The following FZD7 variants were observed in gnomAD, a reference collection of about 807,000 sequenced individuals.
The protein encoded by FZD7 is frizzled-7.
FZD7 carries 21 observed loss-of-function variants against 39.0 expected under a neutral mutation model. That is an observed-to-expected ratio of 0.54 (90% CI 0.38 to 0.78). The LOEUF (loss-of-function observed/expected upper bound fraction) is 0.78, where lower values mean the gene tolerates loss of function less well. FZD7 is among the 30% of genes least tolerant of loss of function. FZD7 has a pLI of 0.00. For missense variants in FZD7, 695 were observed against 805.0 expected (o/e 0.86, Z 1.65); for synonymous variants, 428 against 364.9 (o/e 1.17, Z -1.97).
chr2:202,036,753 G>A lies in FZD7; in HGVS notation c.*381G>A. 3.6e-6 allele frequency: 1 copy of A among 275,356 alleles called. No individual in the cohort carries two copies. The highest frequency in any genetic ancestry group is 9.6e-5 in the East Asian group (1 of 10,392). 17.1% of individuals were successfully genotyped at this position (275,356 alleles called of 1,614,324 possible). A position where few individuals can be genotyped will look rare whatever the true frequency, so the allele number is the denominator to read the frequency against. On this transcript the variant is annotated 3_prime_UTR_variant, in exon 1 of 1. Transcript: ENST00000286201. The stretch of plus-strand genomic sequence containing the variant: ...CGATCCCCCTGCTGCAGGGCGAGTG[G>A]CCTGTCCAGACCCCTGTGAGGCCCC...
rs760851152 is a variant in FZD7 at position 202,034,672 on chromosome 2, C to G, written c.25C>G (p.Pro9Ala). 6.3e-7 allele frequency: 1 copy of G among 1,587,560 alleles called. No individual in the cohort carries two copies. The highest frequency in any genetic ancestry group is 1.1e-5 in the South Asian group (1 of 88,152). The change falls in exon 1 of 1, where the codon CCG (proline) becomes GCG (alanine). Residue 9 changes from proline to alanine, a missense_variant. Physicochemically the swap from Pro to Ala is conservative, Grantham distance 27. Transcript: ENST00000286201. MRDPGAAA[P>A]LSSLGLCALV... ...GATGCGGGACCCCGGCGCGGCCGCTCCGCTTTCGTCCCTGGGCCTCTGTGC... is the reference window on the plus strand; with the variant it reads ...GATGCGGGACCCCGGCGCGGCCGCTGCGCTTTCGTCCCTGGGCCTCTGTGC...
At position 202,036,606 on chromosome 2, in the gene FZD7, A is replaced by G. The variant is rs995764163; in HGVS notation, c.*234A>G. 7.2e-6 allele frequency: 4 copies of G among 557,196 alleles called. No homozygotes were observed. The highest frequency in any genetic ancestry group is 5.7e-5 in the African/African-American group (3 of 53,068). 34.5% of individuals were successfully genotyped at this position (557,196 alleles called of 1,614,324 possible). A position where few individuals can be genotyped will look rare whatever the true frequency, so the allele number is the denominator to read the frequency against. On this transcript the variant is annotated 3_prime_UTR_variant, in exon 1 of 1. Coordinates refer to ENST00000286201, the MANE Select transcript of FZD7 (RefSeq NM_003507.2). ...ATTTCAGGCAAAGACTTGCAGGAAG[A>G]TGATGATAACGGCGATGTGAATCGT...
Position 202,035,688 on chromosome 2 carries a change from C to A in FZD7, c.1041C>A (p.Gly347=). 1.2e-6 allele frequency: 2 copies of A among 1,614,030 alleles called. No homozygotes were observed. Among genetic ancestry groups the A allele is most frequent in the South Asian group, 1.1e-5 (1 of 91,080 alleles). Residue 347 remains glycine, a synonymous_variant, in exon 1 of 1, where the codon GGC becomes GGA. Coordinates refer to ENST00000286201, the MANE Select transcript of FZD7 (RefSeq NM_003507.2). ...TCTTCATGGTGCTCTACTTCTTCGGCATGGCCAGCTCCATCTGGTGGGTCA... is the reference window on the plus strand; with the variant it reads ...TCTTCATGGTGCTCTACTTCTTCGGAATGGCCAGCTCCATCTGGTGGGTCA... ...TILFMVLYFF[G]MASSIWWVIL...
rs140867221 is a variant in FZD7 at position 202,036,238 on chromosome 2, A to G, written c.1591A>G (p.Met531Val). The change falls in exon 1 of 1, where the codon ATG becomes GTG. Residue 531 changes from methionine to valine, a missense_variant. By Grantham distance (21) the Met-to-Val change is conservative. Coordinates refer to ENST00000286201, the MANE Select transcript of FZD7 (RefSeq NM_003507.2). ...CATGAGCCCCGACTTCACCGTCTTC[A>G]TGATCAAGTACCTGATGACCATGAT... The part of the protein sequence containing the change: ...PPMSPDFTVF[M>V]IKYLMTMIVG... 2.5e-6 allele frequency: 4 copies of G among 1,613,532 alleles called. No individual in the cohort carries two copies. In the African/African-American group the frequency reaches 5.3e-5, roughly 22 times the overall value.
In FZD7 at chr2:202,033,976, G is replaced by C. The variant is rs1462812375; in HGVS notation, c.-672G>C. ...GCCAGGCCGCGGGCACGAGCGCCTC[G>C]CGGTTTCGGACGCAGTGTGACTGGG... On this transcript the variant is annotated 5_prime_UTR_variant, in exon 1 of 1. Transcript: ENST00000286201. Among the ~76,000 whole-genome samples the C allele has an allele frequency of 6.6e-6, 1 of 151,542 alleles. No individual in the cohort carries two copies. Among genetic ancestry groups the C allele is most frequent in the Non-Finnish European group, 1.5e-5 (1 of 67,868 alleles).
Position 202,034,258 on chromosome 2 carries a change from G to A in FZD7, c.-390G>A, listed in dbSNP as rs1368009611. On this transcript the variant is annotated 5_prime_UTR_variant, in exon 1 of 1. Transcript: ENST00000286201. ...GCGGGGACCGGACCAGGCGCGGGGG[G>A]CGTGCGCGCTGCGGTGCGCCGGGGG... Among the ~76,000 whole-genome samples the A allele has an allele frequency of 6.6e-6, 1 of 151,762 alleles. No homozygotes were observed. The highest frequency in any genetic ancestry group is 2.4e-5 in the African/African-American group (1 of 41,364).
In FZD7 at chr2:202,036,342, C is replaced by G; in HGVS notation, c.1695C>G (p.Ser565Arg). ...GGCGCCGCTTCTACCACAGACTTAG[C>G]CACAGCAGCAAGGGGGAGACTGCGG... is the stretch of plus-strand genomic sequence containing the variant. ...QSWRRFYHRL[S>R]HSSKGETAV is the part of the protein sequence containing the mutation. Residue 565 changes from serine (S) to arginine (R), a missense_variant, in exon 1 of 1, where the codon AGC (serine) becomes AGG (arginine). By Grantham distance (110) the Ser-to-Arg change is moderately radical. Coordinates refer to ENST00000286201, the MANE Select transcript of FZD7 (RefSeq NM_003507.2). 6.2e-7 allele frequency: 1 copy of G among 1,612,608 alleles called. No homozygotes were observed. Among genetic ancestry groups the G allele is most frequent in the Non-Finnish European group, 8.5e-7 (1 of 1,179,652 alleles).
chr2:202,035,488 C>G lies in FZD7; in HGVS notation c.841C>G (p.Arg281Gly). Residue 281 changes from arginine to glycine, a missense_variant, in exon 1 of 1, where the codon CGC (arginine) becomes GGC (glycine). Transcript: ENST00000286201. The part of the protein sequence containing the change: ...TVLTYLVDMR[R>G]FSYPERPIIF... ...TCTCACCTACCTGGTGGACATGCGG[C>G]GCTTCAGCTACCCAGAGCGGCCCAT... 1.9e-6 allele frequency: 3 copies of G among 1,614,182 alleles called. No individual in the cohort carries two copies. Among genetic ancestry groups the G allele is most frequent in the Non-Finnish European group, 2.5e-6 (3 of 1,180,026 alleles).
chr2:202,036,210 G>T lies in FZD7; in HGVS notation c.1563G>T (p.Pro521=). The change falls in exon 1 of 1, where the codon CCG becomes CCT. Residue 521 remains proline (P), a synonymous_variant. Coordinates refer to ENST00000286201, the MANE Select transcript of FZD7 (RefSeq NM_003507.2). ...YAVPCPPGHF[P]PMSPDFTVFM... Reference sequence around the variant, plus strand: ...TGCCCTGCCCGCCCGGCCACTTCCCGCCCATGAGCCCCGACTTCACCGTCT... The same window carrying T: ...TGCCCTGCCCGCCCGGCCACTTCCCTCCCATGAGCCCCGACTTCACCGTCT... 6.2e-7 allele frequency: 1 copy of T among 1,613,476 alleles called. No homozygotes were observed.
rs759605888 is a variant in FZD7 at position 202,035,949 on chromosome 2, C to A, written c.1302C>A (p.Phe434Leu). 6.2e-7 allele frequency: 1 copy of A among 1,614,180 alleles called. No individual in the cohort carries two copies. The highest frequency in any genetic ancestry group is 1.7e-5 in the Admixed American group (1 of 60,036). ...TGGCGCCTCTGTTCGTCTACCTCTT[C>A]ATAGGCACGTCCTTCTTGCTGGCCG... ...FVLAPLFVYL[F>L]IGTSFLLAGF... Residue 434 changes from phenylalanine (F) to leucine (L), a missense_variant, in exon 1 of 1, where the codon TTC becomes TTA. Transcript: ENST00000286201.
rs964029248 is a variant in FZD7, at chr2:202,035,406, C to T, written c.759C>T (p.Ala253=). ...MYFKEEERRF[A]RLWVGVWSVL... is the part of the protein sequence containing the mutation. The stretch of plus-strand genomic sequence containing the variant: ...TTAAGGAGGAGGAGAGGCGCTTCGC[C>T]CGCCTCTGGGTGGGCGTGTGGTCCG... The change falls in exon 1 of 1, where the codon GCC becomes GCT. Residue 253 remains alanine (A), a synonymous_variant. Transcript: ENST00000286201. 1 of 1,613,752 alleles carries T rather than the reference C, an allele frequency of 6.2e-7. No individual in the cohort carries two copies. Among genetic ancestry groups the T allele is most frequent in the Admixed American group, 1.7e-5 (1 of 60,038 alleles).
Position 202,035,646 on chromosome 2 carries a change from G to A in FZD7, c.999G>A (p.Lys333=). The change falls in exon 1 of 1, where the codon AAG becomes AAA. Residue 333 remains lysine (K), a synonymous_variant. Transcript: ENST00000286201. ...GCACGGTGGCGCAGGGCACCAAGAA[G>A]GAGGGCTGCACCATCCTCTTCATGG... is the stretch of plus-strand genomic sequence containing the variant. ...GYRTVAQGTK[K]EGCTILFMVL... The A allele has an allele frequency of 6.2e-7, 1 of 1,614,176 alleles. No homozygotes were observed. The highest frequency in any genetic ancestry group is 8.5e-7 in the Non-Finnish European group (1 of 1,180,032).
rs1434787939 is a variant in FZD7, at chr2:202,034,778, C to T, written c.131C>T (p.Pro44Leu). Residue 44 changes from proline (P) to leucine (L), a missense_variant, in exon 1 of 1, where the codon CCG (proline) becomes CTG (leucine). Physicochemically the swap from Pro to Leu is moderately conservative, Grantham distance 98. Transcript: ENST00000286201. Reference protein sequence around the residue: ...PYHGEKGISVPDHGFCQPISI... With the variant: ...PYHGEKGISVLDHGFCQPISI... The stretch of plus-strand genomic sequence containing the variant: ...CACGGAGAGAAGGGCATCTCCGTGC[C>T]GGACCACGGCTTCTGCCAGCCCATC... The T allele has an allele frequency of 1.2e-6, 2 of 1,612,862 alleles. No individual in the cohort carries two copies. Among genetic ancestry groups the T allele is most frequent in the Admixed American group, 3.3e-5 (2 of 60,036 alleles).
At position 202,035,055 on chromosome 2, in the gene FZD7, C is replaced by T. The variant is rs1559184250; in HGVS notation, c.408C>T (p.Asn136=). 3.1e-6 allele frequency: 5 copies of T among 1,612,616 alleles called. No homozygotes were observed. The highest frequency in any genetic ancestry group is 4.2e-6 in the Non-Finnish European group (5 of 1,179,812). ...RARQGCEALM[N]KFGFQWPERL... ...GCCAGGGCTGCGAGGCGCTCATGAA[C>T]AAGTTCGGCTTCCAGTGGCCCGAGC... The change falls in exon 1 of 1, where the codon AAC becomes AAT. Residue 136 remains asparagine, a synonymous_variant. Transcript: ENST00000286201.
rs1390416373 is a variant in FZD7 at position 202,035,319 on chromosome 2, C to A, written c.672C>A (p.Phe224Leu). Residue 224 changes from phenylalanine (F) to leucine (L), a missense_variant, in exon 1 of 1, where the codon TTC (phenylalanine) becomes TTA (leucine). By Grantham distance (22) the Phe-to-Leu change is conservative (BLOSUM62 0). Coordinates refer to ENST00000286201, the MANE Select transcript of FZD7 (RefSeq NM_003507.2). ...LKVPPYLGYR[F>L]LGERDCGAPC... ...TGCCCCCGTACCTGGGCTACCGCTT[C>A]CTGGGTGAGCGCGATTGTGGCGCCC... 1 of 1,611,298 alleles carries A rather than the reference C, an allele frequency of 6.2e-7. No homozygotes were observed. Among genetic ancestry groups the A allele is most frequent in the Admixed American group, 1.7e-5 (1 of 59,942 alleles).
rs1688706924 is a variant in FZD7, at chr2:202,034,668, C to T, written c.21C>T (p.Ala7=). 4 of 1,580,732 alleles carry T rather than the reference C, an allele frequency of 2.5e-6. No homozygotes were observed. The highest frequency in any genetic ancestry group is 4.5e-5 in the East Asian group (2 of 44,506). ...CGGCGATGCGGGACCCCGGCGCGGC[C>T]GCTCCGCTTTCGTCCCTGGGCCTCT... is the stretch of plus-strand genomic sequence containing the variant. The part of the protein sequence containing the change: MRDPGA[A]APLSSLGLCA... The change falls in exon 1 of 1, where the codon GCC becomes GCT. Residue 7 remains alanine, a synonymous_variant. Transcript: ENST00000286201.
At position 202,038,084 on chromosome 2, in the gene FZD7, T is replaced by TACTGTACTGTAC. The variant is rs1688776662; in HGVS notation, c.*1718_*1719insCTGTACACTGTA. On this transcript the variant is annotated 3_prime_UTR_variant, in exon 1 of 1. Coordinates refer to ENST00000286201, the MANE Select transcript of FZD7 (RefSeq NM_003507.2). ...GTTTTTAAATGCCAATCATAGAGGG[T>TACTGTACTGTAC]ACTGTAAAGTGTACAAGTTACTTTA... The TACTGTACTGTAC allele has an allele frequency of 2.4e-5, 4 of 167,074 alleles. No individual in the cohort carries two copies. 10.3% of individuals were successfully genotyped at this position (167,074 alleles called of 1,614,324 possible).
In FZD7 at chr2:202,036,510, T is replaced by C. The variant is rs1688745951; in HGVS notation, c.*138T>C. On this transcript the variant is annotated 3_prime_UTR_variant, in exon 1 of 1. Transcript: ENST00000286201. ...TGAGAAGTGACCTGGAAGTGAGAAG[T>C]TCTTTGCAGATTTGGGGCGAGGGGT... 1 of 709,894 alleles carries C rather than the reference T, an allele frequency of 1.4e-6. No homozygotes were observed. Among genetic ancestry groups the C allele is most frequent in the Non-Finnish European group, 2.3e-6 (1 of 428,522 alleles). The allele number at this position is 709,894 out of a possible 1,614,324, so 44.0% of individuals were successfully genotyped here.
chr2:202,034,687 G>A lies in FZD7; in HGVS notation c.40G>A (p.Gly14Ser). Residue 14 changes from glycine (G) to serine (S), a missense_variant, in exon 1 of 1, where the codon GGC becomes AGC. Gly to Ser is a moderately conservative substitution (Grantham distance 56, BLOSUM62 0). Transcript: ENST00000286201. ...PGAAAPLSSL[G>S]LCALVLALLG... ...CGCGGCCGCTCCGCTTTCGTCCCTG[G>A]GCCTCTGTGCCCTGGTGCTGGCGCT... The A allele has an allele frequency of 6.2e-7, 1 of 1,606,868 alleles. No individual in the cohort carries two copies.
Sources: gnomAD v4.1 joint callset for allele counts (sites outside exome capture counted in the v4.1 genomes callset) on GRCh38, gnomAD v4.1.1 for gene constraint, MANE v1.5 for transcripts, NCBI Gene and HGNC (gene_info 2026-07-23, HGNC 2026-07-21) for gene names.